Variants in PPFIA1 observed in about 807,000 individuals in gnomAD.
The protein encoded by PPFIA1 is PPFI scaffold protein A1, also known as liprin-alpha-1.
In PPFIA1, 25 loss-of-function variants were observed where a neutral mutation model predicts 149.9. The observed-to-expected ratio is 0.17, with a 90% CI of 0.12 to 0.23. The LOEUF is 0.23. Among genes scored for constraint, PPFIA1 ranks in the 10% least tolerant of loss-of-function variants. The pLI is 1.00. For synonymous variants in PPFIA1, 549 were observed against 552.8 expected (o/e 0.99, Z 0.10); for missense variants, 1,362 against 1,506.5 (o/e 0.90, Z 1.59).
At chr11:70,335,104 G>C (rs1282562532) in intron 10 of PPFIA1, among the ~76,000 whole-genome samples, 1 of 152,096 alleles carries the variant, frequency 6.6e-6, no homozygotes, top group Non-Finnish European at 1.5e-5. Flanking sequence ...AAAATATGAA[G>C]GTCTCTCTAG....
intron 16 of PPFIA1, chr11:70,350,167 T>C (rs2055967107): frequency 3.3e-6 from 1 of 306,522 alleles, no homozygotes; most frequent in African/African-American, 2.3e-5. Context: ...AGTGTATTAC[T>C]ATATAGTAAG....
At chr11:70,331,778 TCAAAAACAAAAA>T (rs71049906) in intron 8 of PPFIA1, among the ~76,000 whole-genome samples, 170 bp from the exon 9 acceptor site, 1,842 of 150,366 alleles carry the variant, frequency 0.012, 42 homozygotes, top group African/African-American at 0.04. Flanking sequence ...AGACTATGTC[TCAAAAACAAAAA>T]CAAAAACAAA....
At chr11:70,372,661 CAAGA>C in intron 23 of PPFIA1, 87 bp downstream of exon 23, 1 of 1,093,786 alleles carries the variant, frequency 9.1e-7, no homozygotes, top group Non-Finnish European at 1.3e-6. Context: ...TTCAAAAAAT[CAAGA>C]AAGGCTAAAT....
chr11:70,304,859 T>A (rs2052743288), intron 2 of PPFIA1, among the ~76,000 whole-genome samples: 1 of 152,184 alleles, frequency 6.6e-6, no homozygotes, highest in Non-Finnish European at 1.5e-5. Flanking sequence ...ATTTTTCCTA[T>A]CCTCATTAGC....
At chr11:70,307,006 C>T (rs1436913027) in intron 2 of PPFIA1, among the ~76,000 whole-genome samples, 1 of 152,092 alleles carries the variant, frequency 6.6e-6, no homozygotes, top group Non-Finnish European at 1.5e-5. Context: ...CAGTTGAGTA[C>T]ATGAAGAGAT....
chr11:70,303,132 C>A (rs1310800609), intron 2 of PPFIA1, among the ~76,000 whole-genome samples: 1 of 152,084 alleles, frequency 6.6e-6, no homozygotes, highest in Admixed American at 6.5e-5. Flanking sequence ...AAACACTGGC[C>A]AGCGTTCTCA....
At chr11:70,291,302 A>T (rs2051510792) in intron 2 of PPFIA1, among the ~76,000 whole-genome samples, 1 of 152,240 alleles carries the variant, frequency 6.6e-6, no homozygotes, top group South Asian at 2.1e-4. Flanking sequence ...ACATACCCTT[A>T]AAGAGAGATG....
intron 2 of PPFIA1, among the ~76,000 whole-genome samples, chr11:70,300,367 T>A (rs769947653): frequency 8.5e-5 from 13 of 152,148 alleles, no homozygotes; most frequent in Admixed American, 2.6e-4. Flanking sequence ...TTTATTTTTT[T>A]AATTTTTATT....
chr11:70,273,139 G>A (rs2050190961), intron 2 of PPFIA1, among the ~76,000 whole-genome samples: 1 of 152,116 alleles, frequency 6.6e-6, no homozygotes, highest in South Asian at 2.1e-4. Context: ...TTAGCAGAGC[G>A]TGGTAGCGCG....
chr11:70,315,269 A>G (rs562857545), intron 2 of PPFIA1, among the ~76,000 whole-genome samples: 1 of 152,330 alleles, frequency 6.6e-6, no homozygotes, highest in East Asian at 1.9e-4. Context: ...TTTAGAATTC[A>G]GTGAGATGAT....
chr11:70,294,439 G>A (rs1401667403), intron 2 of PPFIA1, among the ~76,000 whole-genome samples: 2 of 152,122 alleles, frequency 1.3e-5, no homozygotes, highest in Non-Finnish European at 2.9e-5. Flanking sequence ...GGGACAGAAA[G>A]CAGGATTTTG....
chr11:70,296,216 G>A (rs1022552807), intron 2 of PPFIA1, among the ~76,000 whole-genome samples: 3 of 151,188 alleles, frequency 2.0e-5, no homozygotes, highest in African/African-American at 7.3e-5. Context: ...CCAGGCAGAG[G>A]GGCTCCTAAC....
intron 21 of PPFIA1, among the ~76,000 whole-genome samples, chr11:70,367,858 A>G (rs528466417): frequency 9.8e-5 from 15 of 152,332 alleles, no homozygotes; most frequent in African/African-American, 3.4e-4. Context: ...GGCCTAGGCC[A>G]GGTGTAGTGG....
At chr11:70,294,913 T>C (rs1483345707) in intron 2 of PPFIA1, among the ~76,000 whole-genome samples, 4 of 151,892 alleles carry the variant, frequency 2.6e-5, no homozygotes, top group East Asian at 1.9e-4. Flanking sequence ...GAAGAATTTT[T>C]CTTAGTACAG....
At chr11:70,361,473 G>T (rs1003084956) in intron 19 of PPFIA1, among the ~76,000 whole-genome samples, 21 of 152,096 alleles carry the variant, frequency 1.4e-4, no homozygotes, top group African/African-American at 4.3e-4. Flanking sequence ...ATCTGCAGTT[G>T]GTTGACTGTG....
intron 2 of PPFIA1, among the ~76,000 whole-genome samples, chr11:70,313,114 A>C (rs1196964347): frequency 1.3e-5 from 2 of 152,150 alleles, no homozygotes; most frequent in African/African-American, 4.8e-5. Context: ...GCTGTGACCG[A>C]TGTGCTGTGA....
At chr11:70,299,837 G>A (rs890341201) in intron 2 of PPFIA1, among the ~76,000 whole-genome samples, 1 of 152,194 alleles carries the variant, frequency 6.6e-6, no homozygotes, top group African/African-American at 2.4e-5. Context: ...GGTCCAGGCT[G>A]TGCTTCTGCA....
chr11:70,334,048 A>G (rs1765961729), intron 10 of PPFIA1, among the ~76,000 whole-genome samples: 1 of 152,198 alleles, frequency 6.6e-6, no homozygotes, highest in South Asian at 2.1e-4. Context: ...AAGCAAGAGC[A>G]ACACCGTAAT....
At chr11:70,381,982 C>G in intron 26 of PPFIA1, 106 bp from the exon 27 acceptor site, 1 of 939,336 alleles carries the variant, frequency 1.1e-6, no homozygotes, top group Non-Finnish European at 1.7e-6. Flanking sequence ...CCTCCGTAGG[C>G]ACTGCTGTAG....
Sources: allele counts gnomAD v4.1 joint callset (sites outside exome capture counted in the v4.1 genomes callset), GRCh38; gene constraint gnomAD v4.1.1; transcripts MANE v1.5; gene names NCBI Gene and HGNC (gene_info 2026-07-23, HGNC 2026-07-21).